ST8SIA1: variants seen among roughly 807,000 people sequenced by gnomAD.
ST8SIA1 encodes ST8 alpha-N-acetyl-neuraminide alpha-2,8-sialyltransferase 1, also known as alpha-N-acetylneuraminide alpha-2,8-sialyltransferase.
Under a neutral mutation model 35.9 loss-of-function variants are expected in ST8SIA1, and 16 were observed. The observed-to-expected ratio is 0.45, with a 90% CI of 0.30 to 0.68. The LOEUF (loss-of-function observed/expected upper bound fraction) is 0.68. ST8SIA1 is among the 30% of genes least tolerant of loss of function. The probability of loss-of-function intolerance (pLI) is 0.09; values close to 1 mark genes in which losing one functional copy is unlikely to be tolerated. For synonymous variants in ST8SIA1, 170 were observed against 169.6 expected (o/e 1.00, Z -0.02); for missense variants, 383 against 453.6 (o/e 0.84, Z 1.41).
intron 2 of ST8SIA1, 59 bp downstream of exon 2, chr12:22,287,090 T>C: frequency 1.3e-6 from 2 of 1,523,556 alleles, no homozygotes; most frequent in South Asian, 1.3e-5. Context: ...AATTATCCCT[T>C]TTCTATGACA....
Position 22,273,246 on chromosome 12 carries a change from C to T in ST8SIA1, c.381+13903G>A, listed in dbSNP as rs1240621694. ...CCCACCTGCCCGTTTGGCACACTTT[C>T]CTCTGATTGATCCCCACCGTTCACC... On this transcript the variant is annotated intron_variant, in intron 2 of 4. Transcript: ENST00000396037. Among the ~76,000 whole-genome samples, 3 of 152,206 alleles carry T rather than the reference C, an allele frequency of 2.0e-5. No individual in the cohort carries two copies. The East Asian group carries it at 5.8e-4, about 29-fold the overall frequency.
chr12:22,325,411 G>C (rs1005816567), intron 1 of ST8SIA1: 2 of 701,132 alleles, frequency 2.9e-6, no homozygotes, highest in Non-Finnish European at 5.2e-6. Flanking sequence ...TAATTAGAGC[G>C]ACACAGCTCT....
chr12:22,325,678 GT>G (rs139098756), intron 1 of ST8SIA1: 10 of 605,272 alleles, frequency 1.7e-5, no homozygotes, highest in Non-Finnish European at 2.6e-5. Flanking sequence ...CCTATATACC[GT>G]TTTTTCCTAT....
chr12:22,260,874 G>GTTTTTT (rs757887864), intron 2 of ST8SIA1, among the ~76,000 whole-genome samples: 16 of 114,362 alleles, frequency 1.4e-4, no homozygotes, highest in Non-Finnish European at 2.3e-4. Flanking sequence ...TATAGTTGTT[G>GTTTTTT]TTTTTTTTTT....
At chr12:22,249,312 G>A (rs1335762737) in intron 3 of ST8SIA1, among the ~76,000 whole-genome samples, 1 of 150,228 alleles carries the variant, frequency 6.7e-6, no homozygotes, top group African/African-American at 2.4e-5. Context: ...TCCACCTGCC[G>A]GGTTCACGCC....
intron 4 of ST8SIA1, among the ~76,000 whole-genome samples, chr12:22,214,583 G>A (rs1302084828): frequency 1.3e-5 from 2 of 151,878 alleles, no homozygotes; most frequent in African/African-American, 4.8e-5. Flanking sequence ...TTGGCTTGTT[G>A]ACAACAAGTT....
intron 4 of ST8SIA1, among the ~76,000 whole-genome samples, chr12:22,218,428 A>G (rs1380371786): frequency 2.7e-5 from 4 of 147,120 alleles, no homozygotes; most frequent in East Asian, 2.0e-4. Context: ...GACCAGCCTG[A>G]CCAACATGGC....
At chr12:22,248,669 T>C (rs1865631501) in intron 4 of ST8SIA1, among the ~76,000 whole-genome samples, 1 of 152,216 alleles carries the variant, frequency 6.6e-6, no homozygotes, top group East Asian at 1.9e-4. Flanking sequence ...CAGTTCACAG[T>C]TGCCAATCAA....
intron 3 of ST8SIA1, among the ~76,000 whole-genome samples, chr12:22,249,487 T>C (rs1865644360): frequency 6.6e-6 from 1 of 152,210 alleles, no homozygotes; most frequent in South Asian, 2.1e-4. Flanking sequence ...CCCAAAGTAC[T>C]GGGATTACAG....
At position 22,334,673 on chromosome 12, in the gene ST8SIA1, TCGCCGCCTCCCGCGCTGCTG is replaced by T. The variant is rs1866824717; in HGVS notation, c.-461_-442del. Reference sequence around the variant, plus strand: ...CCTCCGAGCGATGCTCCTGCGCCCTTCGCCGCCTCCCGCGCTGCTGCGCCGCCAGGCAACCCCCCCCCCCC... The same window carrying T: ...CCTCCGAGCGATGCTCCTGCGCCCTTCGCCGCCAGGCAACCCCCCCCCCCC... On this transcript the variant is annotated 5_prime_UTR_variant, in exon 1 of 5. Coordinates refer to ENST00000396037, the MANE Select transcript of ST8SIA1 (RefSeq NM_003034.4). 6.6e-6 allele frequency: 1 copy of T among 152,196 alleles called. No individual in the cohort carries two copies. Among genetic ancestry groups the T allele is most frequent in the Non-Finnish European group, 1.4e-5 (1 of 70,986 alleles). 9.4% of individuals were successfully genotyped at this position (152,196 alleles called of 1,614,324 possible).
intron 1 of ST8SIA1, chr12:22,325,364 T>C (rs1008171596): frequency 1.4e-6 from 1 of 692,918 alleles, no homozygotes; most frequent in African/African-American, 1.8e-5. Flanking sequence ...ATGGAGAATG[T>C]GTGGCTCTGA....
chr12:22,236,205 C>T (rs191861036), intron 4 of ST8SIA1, among the ~76,000 whole-genome samples: 1 of 152,162 alleles, frequency 6.6e-6, no homozygotes, highest in East Asian at 1.9e-4. Context: ...TCCACACTCA[C>T]CTATTACTCA....
intron 3 of ST8SIA1, among the ~76,000 whole-genome samples, chr12:22,249,474 C>G (rs937567373): frequency 1.3e-5 from 2 of 152,152 alleles, no homozygotes; most frequent in Non-Finnish European, 2.9e-5. Flanking sequence ...CCCGCCTTGG[C>G]CTCCCAAAGT....
At chr12:22,301,733 T>G in intron 1 of ST8SIA1, among the ~76,000 whole-genome samples, 1 of 152,176 alleles carries the variant, frequency 6.6e-6, no homozygotes, top group Non-Finnish European at 1.5e-5. Flanking sequence ...GCTGGCCTCA[T>G]ACCTTGTCTA....
At chr12:22,236,006 A>T (rs1396216616) in intron 4 of ST8SIA1, among the ~76,000 whole-genome samples, 1 of 152,218 alleles carries the variant, frequency 6.6e-6, no homozygotes, top group Non-Finnish European at 1.5e-5. Flanking sequence ...TTAAGAGAGA[A>T]TTAAGGGGAA....
At chr12:22,248,933 C>G (rs1475204653) in intron 4 of ST8SIA1, 73 bp downstream of exon 4, 1 of 1,133,736 alleles carries the variant, frequency 8.8e-7, no homozygotes, top group Non-Finnish European at 1.3e-6. Context: ...ATTATGCTCA[C>G]TGCCTTTGAA....
intron 4 of ST8SIA1, among the ~76,000 whole-genome samples, chr12:22,215,071 A>G (rs1286942809): frequency 6.6e-6 from 1 of 152,142 alleles, no homozygotes. Flanking sequence ...CACCTTCTGC[A>G]GGACCTGGTC....
At chr12:22,325,966 A>C (rs1361201991) in intron 1 of ST8SIA1, 2 of 662,266 alleles carry the variant, frequency 3.0e-6, no homozygotes, top group Non-Finnish European at 5.4e-6. Context: ...CCCAGGCAAG[A>C]CATAGTGGGA....
chr12:22,328,786 C>T (rs1866716439), intron 1 of ST8SIA1, among the ~76,000 whole-genome samples: 1 of 152,136 alleles, frequency 6.6e-6, no homozygotes, highest in Non-Finnish European at 1.5e-5. Flanking sequence ...GGAAATAGTT[C>T]TAAACATTTT....
Sources: allele counts gnomAD v4.1 joint callset (sites outside exome capture counted in the v4.1 genomes callset), GRCh38; gene constraint gnomAD v4.1.1; transcripts MANE v1.5; gene names NCBI Gene and HGNC (gene_info 2026-07-23, HGNC 2026-07-21).